The following SLC25A4 variants were observed in gnomAD, a reference collection of about 807,000 sequenced individuals.
SLC25A4 encodes solute carrier family 25 member 4.
A neutral mutation model predicts 24.7 loss-of-function variants in SLC25A4; 10 were observed. That is an observed-to-expected ratio of 0.41 (90% confidence interval 0.25 to 0.69). The LOEUF (loss-of-function observed/expected upper bound fraction) is 0.69. Among genes scored for constraint, SLC25A4 ranks in the 30% least tolerant of loss-of-function variants. The pLI is 0.35. For synonymous variants in SLC25A4, 125 were observed against 153.3 expected (o/e 0.82, Z 1.36); for missense variants, 273 against 387.6 (o/e 0.70, Z 2.48).
intron 3 of SLC25A4, among the ~76,000 whole-genome samples, chr4:185,146,164 C>A (rs1734439590): frequency 6.6e-6 from 1 of 152,136 alleles, no homozygotes; most frequent in African/African-American, 2.4e-5. Flanking sequence ...ATTATAGAGA[C>A]CCTAGGCCCT....
chr4:185,146,727 C>A, intron 3 of SLC25A4, 87 bp from the exon 4 acceptor site: 1 of 1,497,076 alleles, frequency 6.7e-7, no homozygotes, highest in Non-Finnish European at 9.3e-7. Context: ...TTTTATAAAA[C>A]TGGTAACAGT....
chr4:185,150,362 T>A lies in SLC25A4; in HGVS notation c.*3391T>A, dbSNP rs1003844327. 3 of 152,248 alleles carry A rather than the reference T, an allele frequency of 2.0e-5. No individual in the cohort carries two copies. The highest frequency in any genetic ancestry group is 7.2e-5 in the African/African-American group (3 of 41,464). The allele number at this position is 152,248 out of a possible 1,614,324, so 9.4% of individuals were successfully genotyped here. A position where few individuals can be genotyped will look rare whatever the true frequency, so the allele number is the denominator to read the frequency against. On this transcript the variant is annotated 3_prime_UTR_variant, in exon 4 of 4. Transcript: ENST00000281456. ...GCCTTAAATGCAAATGTCAAGCCCT[T>A]AAATAAAATTTAACAAAGTCTACCG... is the stretch of plus-strand genomic sequence containing the variant.
intron 1 of SLC25A4, 75 bp downstream of exon 1, chr4:185,143,558 C>T (rs1734383872): frequency 4.1e-6 from 2 of 492,050 alleles, no homozygotes; most frequent in Non-Finnish European, 5.4e-6. Flanking sequence ...GCGCGAGCTG[C>T]AGGGCGCGGG....
rs776619878 is a variant in SLC25A4, at chr4:185,145,344, G to C, written c.598+94G>C. 6.3e-7 allele frequency: 1 copy of C among 1,578,196 alleles called. No homozygotes were observed. The highest frequency in any genetic ancestry group is 1.7e-5 in the Admixed American group (1 of 59,138). On this transcript the variant is annotated intron_variant, in intron 2 of 3. Coordinates refer to ENST00000281456, the MANE Select transcript of SLC25A4 (RefSeq NM_001151.4). This position sits in a 1 kb window ranked among gnomAD's most constrained non-coding sequence, Gnocchi z 5.5. ...AAAGGACCTGATATATATTGATCTT[G>C]TTTTTTCTAGTCTCTGGGATAATTG...
At position 185,146,905 on chromosome 4, in the gene SLC25A4, T is replaced by C. The variant is rs1579210864; in HGVS notation, c.831T>C (p.Asn277=). The C allele has an allele frequency of 1.2e-6, 2 of 1,614,232 alleles. No homozygotes were observed. The highest frequency in any genetic ancestry group is 8.5e-7 in the Non-Finnish European group (1 of 1,180,036). Residue 277 remains asparagine, a synonymous_variant, in exon 4 of 4, where the codon AAT becomes AAC. Coordinates refer to ENST00000281456, the MANE Select transcript of SLC25A4 (RefSeq NM_001151.4). ...CCTTCTTCAAAGGTGCCTGGTCCAATGTGCTGAGAGGCATGGGCGGTGCTT... is the reference window on the plus strand; with the variant it reads ...CCTTCTTCAAAGGTGCCTGGTCCAACGTGCTGAGAGGCATGGGCGGTGCTT... ...AKAFFKGAWS[N]VLRGMGGAFV... is the part of the protein sequence containing the mutation.
At chr4:185,146,690 TG>T in intron 3 of SLC25A4, 123 bp from the exon 4 acceptor site, 1 of 1,050,038 alleles carries the variant, frequency 9.5e-7, no homozygotes, top group Non-Finnish European at 1.5e-6. Context: ...TGCATGGAGC[TG>T]GGACTCCATG....
At position 185,149,326 on chromosome 4, in the gene SLC25A4, T is replaced by G. The variant is rs915392110; in HGVS notation, c.*2355T>G. ...TCCCAACCCAACCAAGAAGTGTAAT[T>G]GTGTTCCGTCTTTAACCCTGGCATG... On this transcript the variant is annotated 3_prime_UTR_variant, in exon 4 of 4. Coordinates refer to ENST00000281456, the MANE Select transcript of SLC25A4 (RefSeq NM_001151.4). 1.3e-5 allele frequency: 2 copies of G among 152,212 alleles called. No homozygotes were observed. The highest frequency in any genetic ancestry group is 4.8e-5 in the African/African-American group (2 of 41,446). The allele number at this position is 152,212 out of a possible 1,614,324, so 9.4% of individuals were successfully genotyped here. A position where few individuals can be genotyped will look rare whatever the true frequency, so the allele number is the denominator to read the frequency against.
rs1734488822 is a variant in SLC25A4, at chr4:185,148,806, T to TC, written c.*1835_*1836insC. On this transcript the variant is annotated 3_prime_UTR_variant, in exon 4 of 4. Transcript: ENST00000281456. ...TGGAGGAAGCAAGTCCCTGTATCCT[T>TC]GGCAAAGCTTGAAAGGCAGGCAAAT... The TC allele has an allele frequency of 6.6e-6, 1 of 152,428 alleles. No individual in the cohort carries two copies. The highest frequency in any genetic ancestry group is 2.4e-5 in the African/African-American group (1 of 41,472). The allele number at this position is 152,428 out of a possible 1,614,324, so 9.4% of individuals were successfully genotyped here.
In SLC25A4 at chr4:185,145,253, G is replaced by A. The variant is rs1338048849; in HGVS notation, c.598+3G>A. On this transcript the variant is annotated splice_donor_region_variant and intron_variant, in intron 2 of 3. Coordinates refer to ENST00000281456, the MANE Select transcript of SLC25A4 (RefSeq NM_001151.4). The surrounding 1 kb of genome is among the most constrained non-coding windows in gnomAD (Gnocchi z 5.5). The stretch of plus-strand genomic sequence containing the variant: ...CGGAGTCTATGATACTGCCAAGGGT[G>A]AGAGAGGGGCATCGGGGAGAAGGAG... 6 of 1,613,986 alleles carry A rather than the reference G, an allele frequency of 3.7e-6. No homozygotes were observed. In the East Asian group the frequency reaches 8.9e-5, roughly 24 times the overall value.
At position 185,143,327 on chromosome 4, in the gene SLC25A4, G is replaced by C. The variant is rs763271934; in HGVS notation, c.-46G>C. On this transcript the variant is annotated 5_prime_UTR_variant, in exon 1 of 4. Coordinates refer to ENST00000281456, the MANE Select transcript of SLC25A4 (RefSeq NM_001151.4). ...GCGGTGCCAGGCCGGGCGTGGGCGAGAGCACGAACGGGCTGCCTGCGGGCT... is the reference window on the plus strand; with the variant it reads ...GCGGTGCCAGGCCGGGCGTGGGCGACAGCACGAACGGGCTGCCTGCGGGCT... 8.3e-7 allele frequency: 1 copy of C among 1,203,762 alleles called. No individual in the cohort carries two copies. Among genetic ancestry groups the C allele is most frequent in the South Asian group, 1.3e-5 (1 of 75,094 alleles). 74.6% of individuals were successfully genotyped at this position (1,203,762 alleles called of 1,614,324 possible).
chr4:185,145,102 C>T lies in SLC25A4; in HGVS notation c.450C>T (p.Ala150=), dbSNP rs1708531892. 6.2e-7 allele frequency: 1 copy of T among 1,613,030 alleles called. No individual in the cohort carries two copies. The highest frequency in any genetic ancestry group is 1.3e-5 in the African/African-American group (1 of 74,852). ...CTGCTGATGTGGGCAAGGGCGCCGC[C>T]CAGCGTGAGTTCCATGGTCTGGGCG... The part of the protein sequence containing the change: ...RLAADVGKGA[A]QREFHGLGDC... Residue 150 remains alanine, a synonymous_variant, in exon 2 of 4, where the codon GCC becomes GCT. Transcript: ENST00000281456. This position sits in a 1 kb window ranked among gnomAD's most constrained non-coding sequence, Gnocchi z 5.5.
rs919290937 is a variant in SLC25A4 at position 185,148,428 on chromosome 4, G to T, written c.*1457G>T. 1.3e-5 allele frequency: 2 copies of T among 152,188 alleles called. No homozygotes were observed. Among genetic ancestry groups the T allele is most frequent in the Non-Finnish European group, 2.9e-5 (2 of 68,044 alleles). The allele number at this position is 152,188 out of a possible 1,614,324, so 9.4% of individuals were successfully genotyped here. On this transcript the variant is annotated 3_prime_UTR_variant, in exon 4 of 4. Transcript: ENST00000281456. ...TGGAAGGGAAAATAGATAGGAACCTGCCCTGAAAGATGCTTCAGTTGGGGA... is the reference window on the plus strand; with the variant it reads ...TGGAAGGGAAAATAGATAGGAACCTTCCCTGAAAGATGCTTCAGTTGGGGA...
chr4:185,147,297 T>A lies in SLC25A4; in HGVS notation c.*326T>A, dbSNP rs1329337302. The A allele has an allele frequency of 7.9e-6, 2 of 252,482 alleles. No individual in the cohort carries two copies. Among genetic ancestry groups the A allele is most frequent in the East Asian group, 1.8e-4 (2 of 11,138 alleles). The allele number at this position is 252,482 out of a possible 1,614,324, so 15.6% of individuals were successfully genotyped here. ...CGCTTTCTATTTTATTGAACTCTTATTAACTGTAAAATGCATTTTTAAAAG... is the reference window on the plus strand; with the variant it reads ...CGCTTTCTATTTTATTGAACTCTTAATAACTGTAAAATGCATTTTTAAAAG... On this transcript the variant is annotated 3_prime_UTR_variant, in exon 4 of 4. Transcript: ENST00000281456.
chr4:185,143,309 C>T lies in SLC25A4; in HGVS notation c.-64C>T. 10 of 992,324 alleles carry T rather than the reference C, an allele frequency of 1.0e-5. No individual in the cohort carries two copies. The highest frequency in any genetic ancestry group is 2.2e-4 in the Middle Eastern group (1 of 4,452). 61.5% of individuals were successfully genotyped at this position (992,324 alleles called of 1,614,324 possible). On this transcript the variant is annotated 5_prime_UTR_variant, in exon 1 of 4. Transcript: ENST00000281456. ...AGGGTCGGGGACTGCGCGGCGGTGC[C>T]AGGCCGGGCGTGGGCGAGAGCACGA...
intron 1 of SLC25A4, 69 bp downstream of exon 1, chr4:185,143,552 G>C (rs1734383832): frequency 3.8e-6 from 2 of 532,580 alleles, no homozygotes; most frequent in Non-Finnish European, 4.9e-6. Flanking sequence ...GATGCGGCGC[G>C]AGCTGCAGGG....
rs1303758085 is a variant in SLC25A4, at chr4:185,148,592, A to T, written c.*1621A>T. ...AAAGAAAATAACCAGATTTAGAAAC[A>T]TGGGTATAGAAAGCATCCTCCAGTA... On this transcript the variant is annotated 3_prime_UTR_variant, in exon 4 of 4. Transcript: ENST00000281456. The T allele has an allele frequency of 6.6e-6, 1 of 152,156 alleles. No individual in the cohort carries two copies. Among genetic ancestry groups the T allele is most frequent in the Non-Finnish European group, 1.5e-5 (1 of 68,032 alleles). The allele number at this position is 152,156 out of a possible 1,614,324, so 9.4% of individuals were successfully genotyped here.
chr4:185,143,717 G>A (rs1490155237), intron 1 of SLC25A4, among the ~76,000 whole-genome samples: 1 of 151,426 alleles, frequency 6.6e-6, no homozygotes, highest in East Asian at 2.0e-4. Flanking sequence ...GCGTTCGGGT[G>A]TCTATATATG....
chr4:185,144,563 C>T (rs1734403485), intron 1 of SLC25A4, among the ~76,000 whole-genome samples: 3 of 152,048 alleles, frequency 2.0e-5, no homozygotes, highest in Non-Finnish European at 4.4e-5. Context: ...ATTGAAGCAA[C>T]ATTGGATTAT....
Position 185,145,603 on chromosome 4 carries a change from C to A in SLC25A4, c.599-156C>A, listed in dbSNP as rs1343603152. Reference sequence around the variant, plus strand: ...CCGGAGAGGGCAGCAGCCACCTTTGCTGTCTGCCTGGTCATATGTGAAGCA... The same window carrying A: ...CCGGAGAGGGCAGCAGCCACCTTTGATGTCTGCCTGGTCATATGTGAAGCA... On this transcript the variant is annotated intron_variant, in intron 2 of 3. Coordinates refer to ENST00000281456, the MANE Select transcript of SLC25A4 (RefSeq NM_001151.4). This position sits in a 1 kb window ranked among gnomAD's most constrained non-coding sequence, Gnocchi z 5.5. The A allele has an allele frequency of 6.7e-6, 6 of 888,960 alleles. No individual in the cohort carries two copies. Among genetic ancestry groups the A allele is most frequent in the Non-Finnish European group, 8.6e-6 (5 of 582,354 alleles). The allele number at this position is 888,960 out of a possible 1,614,324, so 55.1% of individuals were successfully genotyped here. A position where few individuals can be genotyped will look rare whatever the true frequency, so the allele number is the denominator to read the frequency against.
Sources: gnomAD v4.1 joint callset for allele counts (sites outside exome capture counted in the v4.1 genomes callset) on GRCh38, gnomAD v4.1.1 for gene constraint, Gnocchi (gnomAD v3.1) non-coding constraint, MANE v1.5 for transcripts, NCBI Gene and HGNC (gene_info 2026-07-23, HGNC 2026-07-21) for gene names.